The following AKAP19 variants were observed in gnomAD, a reference collection of about 807,000 sequenced individuals.
AKAP19 encodes the protein small A-kinase anchoring protein.
At chr2:190,042,278 C>T in the AKAP19 span, among the ~76,000 whole-genome samples, 1 of 152,084 alleles carries the variant, frequency 6.6e-6, no homozygotes, top group South Asian at 2.1e-4. Flanking sequence ...TTATCTATCT[C>T]TTCTAGGTTT....
chr2:190,060,447 TAAGAA>T, the AKAP19 span: 2 of 1,601,820 alleles, frequency 1.2e-6, no homozygotes, highest in Non-Finnish European at 1.7e-6. Context: ...TATAAATGAA[TAAGAA>T]AAGAAAAGTT....
the AKAP19 span, among the ~76,000 whole-genome samples, chr2:189,891,031 G>A: frequency 6.6e-6 from 1 of 152,188 alleles, no homozygotes; most frequent in Admixed American, 6.5e-5. Context: ...AAGTTGGTAT[G>A]TTTTTGCAGT....
At chr2:190,060,248 A>G in the AKAP19 span, 2 of 1,613,074 alleles carry the variant, frequency 1.2e-6, no homozygotes, top group Non-Finnish European at 1.7e-6. Flanking sequence ...ATCGGATTCC[A>G]GTATACCTTG....
At chr2:189,958,992 A>G in the AKAP19 span, among the ~76,000 whole-genome samples, 1 of 152,140 alleles carries the variant, frequency 6.6e-6, no homozygotes, top group Non-Finnish European at 1.5e-5. Flanking sequence ...AAAAGTGAGG[A>G]AAGTGGTGAC....
chr2:190,061,832 GTTA>G, the AKAP19 span, among the ~76,000 whole-genome samples: 2 of 147,834 alleles, frequency 1.4e-5, no homozygotes, highest in African/African-American at 2.5e-5. Context: ...TTTTTTTTCT[GTTA>G]TTAGTGAAAA....
chr2:190,144,251 A>G, the AKAP19 span, among the ~76,000 whole-genome samples: 2 of 150,486 alleles, frequency 1.3e-5, no homozygotes, highest in African/African-American at 4.9e-5. Flanking sequence ...TCTAACAGAA[A>G]AAAAAAAAAG....
chr2:189,981,665 C>T, the AKAP19 span, among the ~76,000 whole-genome samples: 1 of 152,134 alleles, frequency 6.6e-6, no homozygotes, highest in Non-Finnish European at 1.5e-5. Flanking sequence ...ATGGTTAGAA[C>T]TATTTTTAGC....
At chr2:190,201,126 T>C in the AKAP19 span, 1 of 167,042 alleles carries the variant, frequency 6.0e-6, no homozygotes, top group Non-Finnish European at 1.5e-5. Flanking sequence ...AGGAGAGTAC[T>C]CGTTTTCTGG....
At chr2:189,900,076 A>G in the AKAP19 span, among the ~76,000 whole-genome samples, 8 of 152,204 alleles carry the variant, frequency 5.3e-5, no homozygotes, top group Non-Finnish European at 8.8e-5. Context: ...CATGTCATTA[A>G]TATAGACTAG....
chr2:189,906,284 T>A, the AKAP19 span, among the ~76,000 whole-genome samples: 1 of 152,122 alleles, frequency 6.6e-6, no homozygotes, highest in African/African-American at 2.4e-5. Context: ...AAATTATTTT[T>A]AAATTATAAC....
At chr2:190,038,905 TTCTTCTTCTTCTTCTTC>T in the AKAP19 span, among the ~76,000 whole-genome samples, 12 of 82,876 alleles carry the variant, frequency 1.4e-4, no homozygotes, top group African/African-American at 3.9e-4. Context: ...TCTTTCTTTC[TTCTTCTTCTTCTTCTTC>T]TTCTTCTTCT....
chr2:189,938,396 T>C, the AKAP19 span, among the ~76,000 whole-genome samples: 37 of 151,214 alleles, frequency 2.4e-4, no homozygotes, highest in South Asian at 1.9e-3. Flanking sequence ...TATTCAGCCA[T>C]GAAAAAGAAT....
chr2:189,914,360 A>T, the AKAP19 span, among the ~76,000 whole-genome samples: 2 of 152,102 alleles, frequency 1.3e-5, no homozygotes, highest in Admixed American at 1.3e-4. Flanking sequence ...TTCTTATTAA[A>T]TGTTTCTATG....
the AKAP19 span, among the ~76,000 whole-genome samples, chr2:190,110,261 A>G: frequency 6.6e-6 from 1 of 152,230 alleles, no homozygotes; most frequent in African/African-American, 2.4e-5. Flanking sequence ...GTAAGTTGAA[A>G]ACTACCTTTA....
At chr2:190,084,313 G>A in the AKAP19 span, among the ~76,000 whole-genome samples, 6 of 151,918 alleles carry the variant, frequency 3.9e-5, no homozygotes, top group Non-Finnish European at 7.4e-5. Flanking sequence ...GGCTGGTTTC[G>A]AATTCCTCAC....
At chr2:190,171,247 A>T in the AKAP19 span, among the ~76,000 whole-genome samples, 30 of 152,048 alleles carry the variant, frequency 2.0e-4, no homozygotes, top group Admixed American at 8.5e-4. Flanking sequence ...AAAAAAAACA[A>T]ACAGTGCAAT....
chr2:189,992,796 T>C, the AKAP19 span, among the ~76,000 whole-genome samples: 1 of 152,122 alleles, frequency 6.6e-6, no homozygotes, highest in Admixed American at 6.5e-5. Flanking sequence ...AGGAGTTGAG[T>C]TCTTGATTTG....
chr2:190,157,010 C>G, the AKAP19 span, among the ~76,000 whole-genome samples: 18 of 152,174 alleles, frequency 1.2e-4, no homozygotes, highest in African/African-American at 4.3e-4. Flanking sequence ...AGACAAATGG[C>G]TCAATATACT....
chr2:189,930,930 G>T, the AKAP19 span: 3 of 716,156 alleles, frequency 4.2e-6, no homozygotes, highest in Non-Finnish European at 7.5e-6. Context: ...TAGTTCCCTC[G>T]CTAAAGCTAG....
Sources: allele counts gnomAD v4.1 joint callset (sites outside exome capture counted in the v4.1 genomes callset), GRCh38; gene constraint gnomAD v4.1.1; transcripts MANE v1.5; gene names NCBI Gene and HGNC (gene_info 2026-07-23, HGNC 2026-07-21).